Variants in LIPC observed in about 807,000 individuals in gnomAD.
LIPC encodes lipase C, hepatic type.
In LIPC, 44 loss-of-function variants were observed where a neutral mutation model predicts 50.7. That is an observed-to-expected ratio of 0.87 (90% confidence interval 0.68 to 1.11). The LOEUF is 1.11. Ranked by LOEUF, LIPC falls within the 50% of genes most tolerant of loss-of-function variation. LIPC has a pLI of 0.00. For synonymous variants in LIPC, 271 were observed against 256.4 expected, an observed-to-expected ratio of 1.06 and a Z score of -0.54; for missense variants, 697 against 648.2, an observed-to-expected ratio of 1.08 and a Z score of -0.82.
chr15:58,456,637 C>G (rs1054318953), intron 1 of LIPC, among the ~76,000 whole-genome samples: 4 of 152,242 alleles, frequency 2.6e-5, no homozygotes, highest in Non-Finnish European at 5.9e-5. Flanking sequence ...CCTCCTGCCC[C>G]CATGGGCCTA....
At chr15:58,544,063 C>T (rs772056018) in intron 4 of LIPC, among the ~76,000 whole-genome samples, 17 of 152,192 alleles carry the variant, frequency 1.1e-4, no homozygotes, top group African/African-American at 4.1e-4. Flanking sequence ...TTTCCTCATG[C>T]TTTTTTGTTC....
intron 1 of LIPC, among the ~76,000 whole-genome samples, chr15:58,474,271 A>T (rs1890905781): frequency 6.6e-6 from 1 of 152,066 alleles, no homozygotes; most frequent in African/African-American, 2.4e-5. Flanking sequence ...TAATCCCAAC[A>T]CTTTGGGGGC....
intron 8 of LIPC, chr15:58,565,553 A>T: frequency 8.1e-7 from 1 of 1,227,004 alleles, no homozygotes; most frequent in African/African-American, 1.5e-5. Context: ...TGAAATGGGT[A>T]GTATTGGCTG....
chr15:58,530,243 C>T (rs868597565), intron 1 of LIPC, among the ~76,000 whole-genome samples: 5 of 152,214 alleles, frequency 3.3e-5, no homozygotes, highest in African/African-American at 4.8e-5. Context: ...TGGCCATCTC[C>T]GGCCTGAAGG....
chr15:58,488,424 G>A (rs1450308297), intron 1 of LIPC, among the ~76,000 whole-genome samples: 1 of 152,200 alleles, frequency 6.6e-6, no homozygotes, highest in African/African-American at 2.4e-5. Context: ...ATCAATCCCT[G>A]TTAGGCACTA....
chr15:58,436,628 G>T (rs1451987217), intron 1 of LIPC: 13 of 430,300 alleles, frequency 3.0e-5, no homozygotes, highest in Non-Finnish European at 4.7e-5. Context: ...TCCGTTCTGT[G>T]TGTCAAATAC....
chr15:58,438,329 T>C (rs1893379794), intron 1 of LIPC, among the ~76,000 whole-genome samples: 4 of 152,238 alleles, frequency 2.6e-5, no homozygotes, highest in African/African-American at 7.2e-5. Flanking sequence ...TGGGTGTCCC[T>C]GACAGCCACG....
Position 58,545,847 on chromosome 15 carries a change from A to T in LIPC, c.680A>T (p.His227Leu), listed in dbSNP as rs1174475638. Residue 227 changes from histidine (H) to leucine (L), a missense_variant, in exon 5 of 9, where the codon CAC becomes CTC. Physicochemically the swap from His to Leu is moderately conservative, Grantham distance 99 (BLOSUM62 -3). Coordinates refer to ENST00000299022, the MANE Select transcript of LIPC (RefSeq NM_000236.3). ...VDAIHTFTRE[H>L]MGLSVGIKQP... ...GCCATTCATACCTTTACCCGGGAGC[A>T]CATGGGCCTGAGCGTGGGCATCAAA... 5.0e-6 allele frequency: 8 copies of T among 1,614,218 alleles called. 1 individual carries two copies. In the South Asian group the frequency reaches 8.8e-5, roughly 18 times the overall value.
intron 1 of LIPC, among the ~76,000 whole-genome samples, chr15:58,448,546 C>T (rs1269642889): frequency 3.9e-5 from 6 of 152,232 alleles, no homozygotes; most frequent in Non-Finnish European, 8.8e-5. Flanking sequence ...TGCCCTGCTG[C>T]GTGGCTGGCT....
intron 1 of LIPC, among the ~76,000 whole-genome samples, chr15:58,505,562 C>A (rs2140846147): frequency 6.6e-6 from 1 of 152,270 alleles, no homozygotes; most frequent in South Asian, 2.1e-4. Context: ...ATAGACTGTT[C>A]AGATGATACT....
At chr15:58,567,376 T>TAC (rs1894427881) in intron 8 of LIPC, among the ~76,000 whole-genome samples, 1 of 134,998 alleles carries the variant, frequency 7.4e-6, no homozygotes, top group Non-Finnish European at 1.6e-5. Context: ...TATATATATA[T>TAC]ATAGTGAACA....
intron 6 of LIPC, among the ~76,000 whole-genome samples, chr15:58,554,746 G>A (rs1488172051): frequency 1.3e-5 from 2 of 152,144 alleles, no homozygotes; most frequent in African/African-American, 4.8e-5. Flanking sequence ...GGAGGAGGAA[G>A]AAGAAGAAGG....
At chr15:58,530,765 T>C (rs1235199676) in intron 1 of LIPC, among the ~76,000 whole-genome samples, 3 of 152,256 alleles carry the variant, frequency 2.0e-5, no homozygotes, top group Non-Finnish European at 4.4e-5. Context: ...ACACAGTTTG[T>C]ACCCTTTTAA....
intron 6 of LIPC, among the ~76,000 whole-genome samples, chr15:58,549,300 G>C (rs1425527207): frequency 1.3e-5 from 2 of 152,238 alleles, no homozygotes; most frequent in African/African-American, 2.4e-5. Context: ...GAGTGCTTTA[G>C]CATCTCACTG....
At chr15:58,457,007 C>T (rs1894147164) in intron 1 of LIPC, among the ~76,000 whole-genome samples, 1 of 152,186 alleles carries the variant, frequency 6.6e-6, no homozygotes. Context: ...GAGATGATGC[C>T]CAGGGCCGGG....
chr15:58,533,761 G>A (rs1222972763), intron 1 of LIPC, among the ~76,000 whole-genome samples: 1 of 152,116 alleles, frequency 6.6e-6, no homozygotes, highest in African/African-American at 2.4e-5. Flanking sequence ...AAAACATTAT[G>A]AAGATATACT....
At chr15:58,559,539 T>C (rs1191058389) in intron 6 of LIPC, among the ~76,000 whole-genome samples, 3 of 152,044 alleles carry the variant, frequency 2.0e-5, no homozygotes, top group Admixed American at 1.3e-4. Context: ...TTCTTATCAA[T>C]CAAATGGAAT....
At chr15:58,432,725 T>A (rs1018161968) in intron 1 of LIPC, among the ~76,000 whole-genome samples, 2 of 152,198 alleles carry the variant, frequency 1.3e-5, no homozygotes, top group African/African-American at 2.4e-5. Context: ...ATCAAATGCC[T>A]TATCAGGAAG....
chr15:58,495,605 T>A (rs1179615247), intron 1 of LIPC, among the ~76,000 whole-genome samples: 1 of 152,210 alleles, frequency 6.6e-6, no homozygotes, highest in South Asian at 2.1e-4. Flanking sequence ...ATTATCATCT[T>A]CATTTTATAG....
Sources: allele counts gnomAD v4.1 joint callset (sites outside exome capture counted in the v4.1 genomes callset), GRCh38; gene constraint gnomAD v4.1.1; transcripts MANE v1.5; gene names NCBI Gene and HGNC (gene_info 2026-07-23, HGNC 2026-07-21).